Variants in NBPF20 observed in about 807,000 individuals in gnomAD.
NBPF20 encodes the protein NBPF member 20.
In NBPF20, 90 loss-of-function variants were observed where a neutral mutation model predicts 68.1. That is an observed-to-expected ratio of 1.32 (90% CI 1.11 to 1.58). The LOEUF (loss-of-function observed/expected upper bound fraction) is 1.58. Among genes scored for constraint, NBPF20 ranks in the 40% most tolerant of loss-of-function variants. NBPF20 has a pLI of 0.00. For synonymous variants in NBPF20, 290 were observed against 228.1 expected (o/e 1.27, Z -2.45); for missense variants, 816 against 601.2 (o/e 1.36, Z -3.74).
intron 8 of NBPF20, among the ~76,000 whole-genome samples, chr1:145,394,196 G>A (rs1490393982): frequency 3.0e-4 from 45 of 152,186 alleles, no homozygotes; most frequent in African/African-American, 1.1e-3. Context: ...GTACACAAAT[G>A]AGAAATTTTT....
chr1:145,393,942 A>C lies in NBPF20; in HGVS notation c.992-7T>G, dbSNP rs1200360459. 7.6e-7 allele frequency: 1 copy of C among 1,308,914 alleles called. No homozygotes were observed. Among genetic ancestry groups the C allele is most frequent in the African/African-American group, 1.5e-5 (1 of 68,802 alleles). 81.1% of individuals were successfully genotyped at this position (1,308,914 alleles called of 1,614,324 possible). A position where few individuals can be genotyped will look rare whatever the true frequency, so the allele number is the denominator to read the frequency against. On this transcript the variant is annotated splice_region_variant and splice_polypyrimidine_tract_variant and intron_variant, in intron 8 of 137. Coordinates refer to ENST00000369373, the Ensembl canonical transcript of NBPF20. ...ACTTGATCCCACCGATGTCCTGCAA[A>C]TAAATTCAGATGGGCCCTCTTACAT...
At chr1:145,394,867 G>C in intron 8 of NBPF20, 111 bp downstream of exon 13, 2 of 1,579,364 alleles carry the variant, frequency 1.3e-6, no homozygotes, top group African/African-American at 1.3e-5. Flanking sequence ...TATAGGTTCA[G>C]CCCACGGTGA....
intron 119 of NBPF20, among the ~76,000 whole-genome samples, chr1:145,306,308 C>T (rs1266598581): frequency 0.16 from 18,142 of 113,738 alleles, 324 homozygotes; most frequent in African/African-American, 0.25. Context: ...CAGACACACA[C>T]ACACACACAG....
At chr1:145,291,472 G>A (rs1443589609) in exon 138 of NBPF20, 64 of 1,611,782 alleles carry the variant, frequency 4.0e-5, no homozygotes, top group Middle Eastern at 2.2e-4. Context: ...AAATCTTCAC[G>A]TGCCTATAGG....
At chr1:145,395,761 C>G in intron 7 of NBPF20, among the ~76,000 whole-genome samples, 1 of 148,210 alleles carries the variant, frequency 6.7e-6, no homozygotes, top group East Asian at 1.9e-4. Flanking sequence ...GCTGAGGGAC[C>G]TGACTGTTAG....
At chr1:145,393,458 A>AAACAC (rs1662027095) in intron 9 of NBPF20, among the ~76,000 whole-genome samples, 1 of 145,160 alleles carries the variant, frequency 6.9e-6, no homozygotes, top group African/African-American at 2.6e-5. Context: ...CACACACACA[A>AAACAC]ACACACACAC....
At position 145,393,100 on chromosome 1, in the gene NBPF20, C is replaced by T. The variant is rs1427564932; in HGVS notation, c.1190G>A (p.Arg397His). 4.4e-5 allele frequency: 31 copies of T among 709,812 alleles called. 1 individual carries two copies. Among genetic ancestry groups the T allele is most frequent in the African/African-American group, 3.5e-4 (12 of 34,524 alleles). 44.0% of individuals were successfully genotyped at this position (709,812 alleles called of 1,614,324 possible). A position where few individuals can be genotyped will look rare whatever the true frequency, so the allele number is the denominator to read the frequency against. ...ATCCATGTCAACAGCCAAGCCAATA[C>T]GCTGTTGCTCCAATACGTAAAAGGC... is the stretch of plus-strand genomic sequence containing the variant. Residue 397 changes from arginine to histidine, a missense_variant, in exon 10 of 138, where the codon CGT (arginine) becomes CAT (histidine). Arg to His is a conservative substitution (Grantham distance 29). Transcript: ENST00000369373.
At chr1:145,411,257 TAAC>T in the NBPF20 span, among the ~76,000 whole-genome samples, 2 of 149,614 alleles carry the variant, frequency 1.3e-5, no homozygotes, top group African/African-American at 4.9e-5. Flanking sequence ...TTTTTAAACA[TAAC>T]AACTCTTCTG....
chr1:145,395,005 G>T (rs1662154518), exon 8 of NBPF20: 1 of 1,611,780 alleles, frequency 6.2e-7, no homozygotes, highest in African/African-American at 1.3e-5. Flanking sequence ...ATGCAGACTT[G>T]CTGTTCCTCT....
In NBPF20 at chr1:145,390,311, T is replaced by C. The variant is rs1571357611; in HGVS notation, c.1494-195A>G. ...GAAAAGAATGAAAGAGAAAGACAGA[T>C]AGACACACACACACACACACACACA... On this transcript the variant is annotated intron_variant, in intron 13 of 137. Coordinates refer to ENST00000369373, the Ensembl canonical transcript of NBPF20. 5.4e-5 allele frequency among the ~76,000 whole-genome samples: 3 copies of C among 55,382 alleles called. 1 individual carries two copies. The highest frequency in any genetic ancestry group is 8.9e-5 in the Non-Finnish European group (3 of 33,604). 36.3% of individuals were successfully genotyped at this position (55,382 alleles called of 152,430 possible).
upstream of NBPF20, among the ~76,000 whole-genome samples, chr1:145,408,485 A>T (rs1662896004): frequency 6.6e-6 from 1 of 152,058 alleles, no homozygotes. Flanking sequence ...TATATTTATG[A>T]ATACTTACAC....
intron 136 of NBPF20, 57 bp from the exon 142 acceptor site, chr1:145,292,546 C>T: frequency 1.4e-6 from 1 of 702,846 alleles, no homozygotes; most frequent in Non-Finnish European, 2.5e-6. Flanking sequence ...ACACACATAA[C>T]AATCCACTGT....
the NBPF20 span, among the ~76,000 whole-genome samples, chr1:145,410,605 GC>G: frequency 6.6e-6 from 1 of 150,944 alleles, no homozygotes; most frequent in Admixed American, 6.6e-5. Context: ...GAGCCACCGC[GC>G]CCGGCCCCAT....
At chr1:145,405,044 C>G in intron 2 of NBPF20, 54 bp downstream of exon 7, 1 of 1,611,798 alleles carries the variant, frequency 6.2e-7, no homozygotes, top group East Asian at 2.2e-5. Context: ...TTTAGTGTCT[C>G]AGAAGACAGG....
chr1:145,292,520 T>A, intron 136 of NBPF20, 31 bp from the exon 142 acceptor site: 1 of 690,184 alleles, frequency 1.4e-6, no homozygotes, highest in Non-Finnish European at 2.5e-6. Flanking sequence ...GACAGACACA[T>A]TAAGCTGATT....
chr1:145,409,665 T>C (rs1256090891), upstream of NBPF20, among the ~76,000 whole-genome samples: 1 of 150,440 alleles, frequency 6.6e-6, no homozygotes, highest in East Asian at 1.9e-4. Context: ...CTCTGTGATT[T>C]AGCAGGAGAC....
chr1:145,403,614 C>G (rs1163317293), intron 2 of NBPF20, among the ~76,000 whole-genome samples: 2 of 152,152 alleles, frequency 1.3e-5, no homozygotes, highest in African/African-American at 4.8e-5. Context: ...ACTCTGAATG[C>G]GGGGCCACTT....
At chr1:145,423,795 G>C in the NBPF20 span, among the ~76,000 whole-genome samples, 1 of 152,032 alleles carries the variant, frequency 6.6e-6, no homozygotes, top group Non-Finnish European at 1.5e-5. Flanking sequence ...GGGGTAACCA[G>C]AATATCCCTG....
At chr1:145,352,338 C>T (rs1553659995) in intron 61 of NBPF20, among the ~76,000 whole-genome samples, 3 of 89,578 alleles carry the variant, frequency 3.3e-5, no homozygotes, top group South Asian at 4.4e-4. Flanking sequence ...CAGACACACA[C>T]ACACACACAG....
Sources: allele counts gnomAD v4.1 joint callset (sites outside exome capture counted in the v4.1 genomes callset), GRCh38; gene constraint gnomAD v4.1.1; transcripts MANE v1.5; gene names NCBI Gene and HGNC (gene_info 2026-07-23, HGNC 2026-07-21).